Variants in CABIN1 observed in about 807,000 individuals in gnomAD.
CABIN1 encodes the protein calcineurin binding protein 1.
CABIN1 carries 133 observed loss-of-function variants against 227.7 expected under a neutral mutation model. That is an observed-to-expected ratio of 0.58 (90% CI 0.51 to 0.67). CABIN1 has a LOEUF of 0.67. Among genes scored for constraint, CABIN1 ranks in the 30% least tolerant of loss-of-function variants. CABIN1 has a pLI of 0.00. For synonymous variants in CABIN1, 1,086 were observed against 1,155.1 expected (o/e 0.94, Z 1.21); for missense variants, 2,408 against 2,852.5 (o/e 0.84, Z 3.55).
rs191147224 is a variant in CABIN1, at chr22:24,093,750, G to A, written c.3786+1907G>A. Among the ~76,000 whole-genome samples the A allele has an allele frequency of 3.3e-3, 492 of 150,798 alleles. 4 individuals carry two copies. The highest frequency in any genetic ancestry group is 6.9e-3 in the Admixed American group (105 of 15,196). ...AAAGATTAACAAGGCCTGGTGGCAC[G>A]CACCTGTAGTCTCAGAAACTTGGGA... On this transcript the variant is annotated intron_variant, in intron 24 of 36. Transcript: ENST00000263119.
intron 29 of CABIN1, among the ~76,000 whole-genome samples, chr22:24,153,300 A>C (rs2045599004): frequency 6.6e-6 from 1 of 152,194 alleles, no homozygotes; most frequent in African/African-American, 2.4e-5. Context: ...CTGCAACTTC[A>C]TAGGCCTTCA....
At chr22:24,175,955 C>T (rs2047080670) in intron 34 of CABIN1, 156 bp from the exon 35 acceptor site, 2 of 871,092 alleles carry the variant, frequency 2.3e-6, no homozygotes, top group Non-Finnish European at 3.7e-6. Context: ...CTTGGCAGCA[C>T]CAACCTGGAC....
intron 26 of CABIN1, among the ~76,000 whole-genome samples, chr22:24,109,221 C>CA (rs1169679895): frequency 1.5e-5 from 2 of 133,306 alleles, no homozygotes; most frequent in Admixed American, 1.5e-4. Context: ...TTATATTTTG[C>CA]TTTTTTTTTT....
chr22:24,119,310 C>A, intron 27 of CABIN1, 57 bp from the exon 28 acceptor site: 1 of 1,460,826 alleles, frequency 6.8e-7, no homozygotes, highest in Non-Finnish European at 9.5e-7. Context: ...TGGTAGACCA[C>A]TGCATGGACA....
chr22:24,176,823 C>G lies in CABIN1; in HGVS notation c.6205+548C>G, dbSNP rs184527562. On this transcript the variant is annotated intron_variant, in intron 35 of 36. Transcript: ENST00000263119. Reference sequence around the variant, plus strand: ...CTTGGGGACTCCTCCTGGCCTGGGCCTCCCACAGACCACTTGGGATGGCAG... The same window carrying G: ...CTTGGGGACTCCTCCTGGCCTGGGCGTCCCACAGACCACTTGGGATGGCAG... Among the ~76,000 whole-genome samples, 65 of 152,358 alleles carry G rather than the reference C, an allele frequency of 4.3e-4. 1 individual carries two copies. The East Asian group carries it at 0.012, about 28-fold the overall frequency.
chr22:24,072,641 G>A (rs2040173748), intron 18 of CABIN1, 131 bp downstream of exon 18: 7 of 1,120,004 alleles, frequency 6.2e-6, no homozygotes, highest in Non-Finnish European at 9.2e-6. Flanking sequence ...CCAGGATTTT[G>A]CATGCGCTTG....
Position 24,035,435 on chromosome 22 carries a change from C to A in CABIN1, c.-74-9C>A, listed in dbSNP as rs1168848511. 6 of 1,583,956 alleles carry A rather than the reference C, an allele frequency of 3.8e-6. No individual in the cohort carries two copies. The highest frequency in any genetic ancestry group is 5.2e-6 in the Non-Finnish European group (6 of 1,152,792). On this transcript the variant is annotated splice_polypyrimidine_tract_variant and intron_variant, in intron 1 of 36. Coordinates refer to ENST00000263119, the MANE Select transcript of CABIN1 (RefSeq NM_012295.4). ...GGCCTTGTCTCAGTTTGTCCTATTT[C>A]CTTTCTAGGAGAGTTGTGGACTGGG...
intron 1 of CABIN1, among the ~76,000 whole-genome samples, chr22:24,017,933 G>A (rs1041818840): frequency 6.6e-6 from 1 of 152,044 alleles, no homozygotes; most frequent in Non-Finnish European, 1.5e-5. Flanking sequence ...ATGCAATGGC[G>A]TGATCACAGC....
chr22:24,021,842 G>T (rs1161969188), intron 1 of CABIN1, among the ~76,000 whole-genome samples: 1 of 152,080 alleles, frequency 6.6e-6, no homozygotes, highest in Admixed American at 6.6e-5. Context: ...ATGCCACCAT[G>T]CCCAGCTATT....
intron 29 of CABIN1, among the ~76,000 whole-genome samples, chr22:24,141,976 A>G (rs1010036806): frequency 6.6e-6 from 1 of 152,126 alleles, no homozygotes; most frequent in Non-Finnish European, 1.5e-5. Flanking sequence ...CTGGTACCCC[A>G]TACCTGCCAG....
intron 25 of CABIN1, among the ~76,000 whole-genome samples, chr22:24,096,432 C>T (rs901704053): frequency 1.3e-5 from 2 of 152,212 alleles, no homozygotes. Context: ...GCTTTGCAGA[C>T]TCTCACCCCT....
At chr22:24,036,821 TG>T (rs113208767) in intron 3 of CABIN1, among the ~76,000 whole-genome samples, 2,551 of 152,256 alleles carry the variant, frequency 0.017, 59 homozygotes, top group African/African-American at 0.058. Flanking sequence ...GTTCCAGAGC[TG>T]TCTCAGAAGT....
chr22:24,085,156 G>A lies in CABIN1; in HGVS notation c.3263+5G>A, dbSNP rs537312397. ...CATCTGCATCTGCCCCAATAGGTCA[G>A]TGACCAGATCATGAGGCTAGGCTGG... On this transcript the variant is annotated splice_donor_5th_base_variant and intron_variant, in intron 22 of 36. Coordinates refer to ENST00000263119, the MANE Select transcript of CABIN1 (RefSeq NM_012295.4). The A allele has an allele frequency of 6.2e-7, 1 of 1,614,214 alleles. No homozygotes were observed. The highest frequency in any genetic ancestry group is 8.5e-7 in the Non-Finnish European group (1 of 1,180,030).
At chr22:24,078,324 C>T (rs1487815988) in intron 19 of CABIN1, among the ~76,000 whole-genome samples, 1 of 152,216 alleles carries the variant, frequency 6.6e-6, no homozygotes, top group East Asian at 1.9e-4. Flanking sequence ...AATGAATGAA[C>T]AAACATAAAG....
chr22:24,136,720 A>G (rs1240383455), intron 29 of CABIN1, among the ~76,000 whole-genome samples: 2 of 147,294 alleles, frequency 1.4e-5, no homozygotes, highest in Non-Finnish European at 3.0e-5. Context: ...ACTACAAACA[A>G]TACATCACAC....
At chr22:24,136,906 T>G (rs1329003676) in intron 29 of CABIN1, among the ~76,000 whole-genome samples, 3 of 152,182 alleles carry the variant, frequency 2.0e-5, no homozygotes, top group African/African-American at 7.2e-5. Flanking sequence ...TAATAAGAAC[T>G]CTTTATATAT....
chr22:24,084,096 G>A (rs1346903199), intron 20 of CABIN1, among the ~76,000 whole-genome samples: 1 of 152,214 alleles, frequency 6.6e-6, no homozygotes, highest in Non-Finnish European at 1.5e-5. Flanking sequence ...CTGGCCCAAG[G>A]TCCCCACCCA....
Position 24,167,058 on chromosome 22 carries a change from G to T in CABIN1, c.5427G>T (p.Gln1809His), listed in dbSNP as rs1275464790. 6.5e-7 allele frequency: 1 copy of T among 1,545,326 alleles called. No individual in the cohort carries two copies. The highest frequency in any genetic ancestry group is 8.7e-7 in the Non-Finnish European group (1 of 1,145,370). Reference sequence around the variant, plus strand: ...AGCTGAGCATCAGTGCCCGGCAGCAGCCCACCCCGCTCACCCCAGCCCAGC... The same window carrying T: ...AGCTGAGCATCAGTGCCCGGCAGCATCCCACCCCGCTCACCCCAGCCCAGC... Reference protein sequence around the residue: ...LEELSISARQQPTPLTPAQPA... With the variant: ...LEELSISARQHPTPLTPAQPA... Residue 1809 changes from glutamine to histidine, a missense_variant, in exon 32 of 37, where the codon CAG becomes CAT. By Grantham distance (24) the Gln-to-His change is conservative. This residue lies in a region of CABIN1 where 714 missense variants were observed against 773.8 expected (regional missense o/e 0.92). Transcript: ENST00000263119.
chr22:24,112,027 T>A (rs961735037), intron 26 of CABIN1, among the ~76,000 whole-genome samples: 2 of 152,252 alleles, frequency 1.3e-5, no homozygotes, highest in African/African-American at 4.8e-5. Context: ...GACATACTAA[T>A]CATATTTATG....
Sources: gnomAD v4.1 joint callset for allele counts (sites outside exome capture counted in the v4.1 genomes callset) on GRCh38, gnomAD v4.1.1 for gene constraint, gnomAD v4.1.1 regional missense constraint, MANE v1.5 for transcripts, NCBI Gene and HGNC (gene_info 2026-07-23, HGNC 2026-07-21) for gene names.